Variants in TRIM2 observed in about 807,000 individuals in gnomAD.
The protein encoded by TRIM2 is tripartite motif-containing protein 2.
A neutral mutation model predicts 75.2 loss-of-function variants in TRIM2; 20 were observed. The observed-to-expected ratio is 0.27, with a 90% CI of 0.19 to 0.39. The LOEUF (loss-of-function observed/expected upper bound fraction) is 0.39, where lower values mean the gene tolerates loss of function less well. Ranked by LOEUF, TRIM2 falls within the 10% of genes least tolerant of loss-of-function variation. The pLI is 1.00. For missense variants in TRIM2, 660 were observed against 990.8 expected, an observed-to-expected ratio of 0.67 and a Z score of 4.48; for synonymous variants, 373 against 388.3, an observed-to-expected ratio of 0.96 and a Z score of 0.46.
intron 1 of TRIM2, among the ~76,000 whole-genome samples, chr4:153,210,665 T>C (rs1397835599): frequency 6.6e-6 from 1 of 152,238 alleles, no homozygotes; most frequent in Non-Finnish European, 1.5e-5. Context: ...AGAGCATTTT[T>C]AACGAAACAG....
intron 6 of TRIM2, among the ~76,000 whole-genome samples, chr4:153,300,073 C>T (rs944587029): frequency 4.6e-5 from 7 of 152,108 alleles, no homozygotes; most frequent in South Asian, 2.1e-4. Flanking sequence ...TTTGCGGCAC[C>T]GAAAATTTGT....
intron 1 of TRIM2, among the ~76,000 whole-genome samples, chr4:153,216,060 G>T (rs1018612766): frequency 5.3e-5 from 8 of 152,036 alleles, no homozygotes; most frequent in South Asian, 2.1e-4. Context: ...GGGATTTTTG[G>T]CAAGCAATTG....
chr4:153,226,050 T>G lies in TRIM2; in HGVS notation c.30+21490T>G, dbSNP rs1179405843. ...CACACCCGACTAATTTTTAAATTTTTTGTAGAGACAGTGGCTCACTGTGTT... is the reference window on the plus strand; with the variant it reads ...CACACCCGACTAATTTTTAAATTTTGTGTAGAGACAGTGGCTCACTGTGTT... On this transcript the variant is annotated intron_variant, in intron 1 of 11. Coordinates refer to ENST00000338700, the MANE Select transcript of TRIM2 (RefSeq NM_015271.5). Among the ~76,000 whole-genome samples the G allele has an allele frequency of 3.9e-5, 6 of 152,172 alleles. No homozygotes were observed. In the South Asian group the frequency reaches 1.0e-3, roughly 26 times the overall value.
Position 153,295,212 on chromosome 4 carries a change from G to T in TRIM2, c.787-101G>T. 1.4e-6 allele frequency: 2 copies of T among 1,410,162 alleles called. No homozygotes were observed. The highest frequency in any genetic ancestry group is 1.4e-5 in the African/African-American group (1 of 69,136). 87.4% of individuals were successfully genotyped at this position (1,410,162 alleles called of 1,614,324 possible). Reference sequence around the variant, plus strand: ...ACACCGCTTGCTCAGAGCCACCTGCGTGGGCAGGTGTAGAGTCTCCTTCTC... The same window carrying T: ...ACACCGCTTGCTCAGAGCCACCTGCTTGGGCAGGTGTAGAGTCTCCTTCTC... On this transcript the variant is annotated intron_variant, in intron 5 of 11. Coordinates refer to ENST00000338700, the MANE Select transcript of TRIM2 (RefSeq NM_015271.5). The surrounding 1 kb of genome is among the most constrained non-coding windows in gnomAD (Gnocchi z 7.2).
At chr4:153,310,965 G>A (rs911583143) in intron 6 of TRIM2, among the ~76,000 whole-genome samples, 1 of 152,186 alleles carries the variant, frequency 6.6e-6, no homozygotes. Context: ...TTCAGCAGAG[G>A]TCATGGAACC....
chr4:153,225,836 G>A (rs951018640), intron 1 of TRIM2, among the ~76,000 whole-genome samples: 8 of 152,092 alleles, frequency 5.3e-5, no homozygotes, highest in South Asian at 2.1e-4. Flanking sequence ...CCTATGTAAC[G>A]CTATATTATT....
chr4:153,297,050 G>A (rs1262966511), intron 6 of TRIM2, among the ~76,000 whole-genome samples: 1 of 152,178 alleles, frequency 6.6e-6, no homozygotes, highest in African/African-American at 2.4e-5. Context: ...GGTCTCTGAG[G>A]CAGGAGAGGG....
intron 6 of TRIM2, among the ~76,000 whole-genome samples, chr4:153,298,673 A>T (rs28471369): frequency 0.045 from 6,823 of 152,114 alleles, 468 homozygotes; most frequent in African/African-American, 0.15. Flanking sequence ...ATATTGATCA[A>T]TTTTTTTATA....
intron 1 of TRIM2, among the ~76,000 whole-genome samples, chr4:153,159,942 A>T (rs755872524): frequency 6.6e-6 from 1 of 152,200 alleles, no homozygotes; most frequent in Non-Finnish European, 1.5e-5. Flanking sequence ...TTCCATTAGT[A>T]TATTATTCTT....
At chr4:153,275,071 G>C (rs1336701027) in intron 2 of TRIM2, among the ~76,000 whole-genome samples, 5 of 152,202 alleles carry the variant, frequency 3.3e-5, no homozygotes, top group Non-Finnish European at 7.3e-5. Flanking sequence ...GTGCCAAACT[G>C]CCTGTGTTTG....
chr4:153,334,708 A>G, intron 11 of TRIM2, 106 bp from the exon 12 acceptor site: 1 of 1,097,166 alleles, frequency 9.1e-7, no homozygotes, highest in Middle Eastern at 2.3e-4. Flanking sequence ...CCTGTCAAAA[A>G]GAAAGAAAGA....
intron 1 of TRIM2, among the ~76,000 whole-genome samples, chr4:153,174,387 G>C (rs775571078): frequency 3.7e-4 from 56 of 152,022 alleles, no homozygotes; most frequent in Non-Finnish European, 6.6e-4. Flanking sequence ...CTGAGACTCA[G>C]GGTGAACAGA....
chr4:153,295,105 C>G lies in TRIM2; in HGVS notation c.787-208C>G, dbSNP rs549348899. Among the ~76,000 whole-genome samples the G allele has an allele frequency of 8.0e-4, 122 of 152,332 alleles. No homozygotes were observed. The highest frequency in any genetic ancestry group is 9.1e-4 in the Non-Finnish European group (62 of 68,026). The stretch of plus-strand genomic sequence containing the variant: ...AGAAATACATGTGTGGAAGAGAGGG[C>G]GAGGCGGAAGGGAAACCTCGAAAAG... On this transcript the variant is annotated intron_variant, in intron 5 of 11. Transcript: ENST00000338700. The surrounding 1 kb of genome is among the most constrained non-coding windows in gnomAD (Gnocchi z 7.2).
chr4:153,196,445 T>C (rs542788106), intron 1 of TRIM2, among the ~76,000 whole-genome samples: 2 of 152,136 alleles, frequency 1.3e-5, no homozygotes, highest in East Asian at 3.9e-4. Context: ...TCTTAAAAAA[T>C]CATAAAAATA....
At chr4:153,319,056 G>A (rs1269753624) in intron 8 of TRIM2, among the ~76,000 whole-genome samples, 1 of 152,208 alleles carries the variant, frequency 6.6e-6, no homozygotes. Context: ...TATAGACAGA[G>A]ATACTTATTT....
intron 1 of TRIM2, among the ~76,000 whole-genome samples, chr4:153,180,539 G>T (rs990045235): frequency 7.2e-5 from 11 of 152,168 alleles, no homozygotes; most frequent in African/African-American, 2.7e-4. Context: ...GTCTTGCTGC[G>T]CAATCTTGGC....
intron 2 of TRIM2, 54 bp downstream of exon 2, chr4:153,270,573 C>G: frequency 7.0e-7 from 1 of 1,437,968 alleles, no homozygotes; most frequent in East Asian, 2.5e-5. Context: ...CCTCCTACAA[C>G]CTACTGCAGG....
intron 8 of TRIM2, among the ~76,000 whole-genome samples, chr4:153,321,411 C>T (rs1768951134): frequency 6.6e-6 from 1 of 152,128 alleles, no homozygotes; most frequent in African/African-American, 2.4e-5. Flanking sequence ...AGTAAAGGTA[C>T]AAGACCTGTA....
At chr4:153,320,895 G>T (rs1768812280) in intron 8 of TRIM2, among the ~76,000 whole-genome samples, 1 of 152,172 alleles carries the variant, frequency 6.6e-6, no homozygotes, top group Non-Finnish European at 1.5e-5. Flanking sequence ...GCCTCCCAAA[G>T]TGCTGGGATT....
Sources: allele counts gnomAD v4.1 joint callset (sites outside exome capture counted in the v4.1 genomes callset), GRCh38; gene constraint gnomAD v4.1.1; non-coding constraint Gnocchi (gnomAD v3.1); transcripts MANE v1.5; gene names NCBI Gene and HGNC (gene_info 2026-07-23, HGNC 2026-07-21).